The following GATA4 variants were observed in gnomAD, a reference collection of about 807,000 sequenced individuals.
GATA4 encodes transcription factor GATA-4.
Under a neutral mutation model 37.9 loss-of-function variants are expected in GATA4, and 7 were observed. The ratio of observed to expected loss-of-function variants is 0.18; its 90% confidence interval spans 0.11 to 0.35. The LOEUF (loss-of-function observed/expected upper bound fraction) is 0.35, where lower values mean the gene tolerates loss of function less well. GATA4 is among the 10% of genes least tolerant of loss of function. The probability of loss-of-function intolerance (pLI) is 1.00; values close to 1 mark genes in which losing one functional copy is unlikely to be tolerated. For synonymous variants in GATA4, 372 were observed against 292.6 expected (o/e 1.27, Z -2.77); for missense variants, 647 against 653.0 (o/e 0.99, Z 0.10).
At chr8:11,730,996 G>A (rs1801182250) in intron 2 of GATA4, among the ~76,000 whole-genome samples, 2 of 152,222 alleles carry the variant, frequency 1.3e-5, no homozygotes, top group South Asian at 2.1e-4. Context: ...CGAGCTTCTC[G>A]GGCAGTCTTC....
exon 1 of GATA4, chr8:11,692,653 C>T: frequency 1.0e-6 from 1 of 985,164 alleles, no homozygotes; most frequent in Non-Finnish European, 1.2e-6. Context: ...AGCCGACCTC[C>T]ACCGCGGGTG....
chr8:11,706,964 A>T (rs887368272), intron 1 of GATA4, among the ~76,000 whole-genome samples: 15 of 152,132 alleles, frequency 9.9e-5, no homozygotes, highest in South Asian at 4.1e-4. Flanking sequence ...AACAAAACGC[A>T]GGATGCTGGG....
rs751295642 is a variant in GATA4, at chr8:11,708,893, G to T, written c.581G>T (p.Gly194Val). Residue 194 changes from glycine to valine, a missense_variant, in exon 2 of 7, where the codon GGC (glycine) becomes GTC (valine). Gly to Val is a moderately radical substitution (Grantham distance 109, BLOSUM62 -3). Transcript: ENST00000532059. This position sits in a 1 kb window ranked among gnomAD's most constrained non-coding sequence, Gnocchi z 6.7. The part of the protein sequence containing the change: ...FDSPVLHSLP[G>V]RANPAARHPN... Reference sequence around the variant, plus strand: ...AGCCCGGTCCTGCACAGCCTGCCCGGCCGGGCCAACCCGGCCGCCCGACAC... The same window carrying T: ...AGCCCGGTCCTGCACAGCCTGCCCGTCCGGGCCAACCCGGCCGCCCGACAC... 6.5e-7 allele frequency: 1 copy of T among 1,527,760 alleles called. No individual in the cohort carries two copies. The highest frequency in any genetic ancestry group is 8.7e-7 in the Non-Finnish European group (1 of 1,143,714). The allele number at this position is 1,527,760 out of a possible 1,614,324, so 94.6% of individuals were successfully genotyped here. A position where few individuals can be genotyped will look rare whatever the true frequency, so the allele number is the denominator to read the frequency against.
chr8:11,683,235 A>C, intron 1 of GATA4: 1 of 694,234 alleles, frequency 1.4e-6, no homozygotes, highest in Non-Finnish European at 1.8e-6. Context: ...GGGAGGACGG[A>C]GGGACGGGGC....
intron 2 of GATA4, among the ~76,000 whole-genome samples, chr8:11,732,866 A>G (rs565511592): frequency 6.6e-6 from 1 of 152,338 alleles, no homozygotes; most frequent in South Asian, 2.1e-4. Context: ...ACTGCCGAAT[A>G]TAATATAAAT....
intron 2 of GATA4, among the ~76,000 whole-genome samples, chr8:11,732,527 T>G (rs1801260057): frequency 6.6e-6 from 1 of 152,150 alleles, no homozygotes; most frequent in African/African-American, 2.4e-5. Flanking sequence ...AAACGTGAAG[T>G]AACACCAAAA....
chr8:11,683,131 G>T, intron 1 of GATA4: 2 of 985,334 alleles, frequency 2.0e-6, no homozygotes, highest in Non-Finnish European at 2.4e-6. Context: ...GTGGCCACTG[G>T]GGTTTGCTCC....
chr8:11,679,642 A>T (rs979811872), intron 1 of GATA4, among the ~76,000 whole-genome samples: 2 of 152,202 alleles, frequency 1.3e-5, no homozygotes, highest in African/African-American at 4.8e-5. Context: ...AGGGCAGCCA[A>T]GCACCCGCGG....
At chr8:11,687,867 G>A (rs192241491), upstream of GATA4, among the ~76,000 whole-genome samples, 16 of 152,158 alleles carry the variant, frequency 1.1e-4, no homozygotes, top group Admixed American at 2.6e-4. Flanking sequence ...CCCTGCCCCC[G>A]TTTCATTTGG....
intron 2 of GATA4, among the ~76,000 whole-genome samples, chr8:11,714,041 G>A (rs1800322458): frequency 6.6e-6 from 1 of 152,206 alleles, no homozygotes; most frequent in Non-Finnish European, 1.5e-5. Context: ...TAATGCTTGT[G>A]AGTACTTAAG....
chr8:11,703,521 G>C (rs1158941572), upstream of GATA4, among the ~76,000 whole-genome samples: 1 of 152,224 alleles, frequency 6.6e-6, no homozygotes, highest in African/African-American at 2.4e-5. Flanking sequence ...AGAAAAAAGG[G>C]GGAAAGATTA....
chr8:11,728,667 G>C (rs558835943), intron 2 of GATA4, among the ~76,000 whole-genome samples: 2 of 152,218 alleles, frequency 1.3e-5, no homozygotes, highest in East Asian at 3.9e-4. Context: ...TCCTTCCTCA[G>C]CCTCCAAAAA....
intron 2 of GATA4, among the ~76,000 whole-genome samples, chr8:11,747,443 T>C (rs980031317): frequency 2.6e-5 from 4 of 152,200 alleles, no homozygotes; most frequent in African/African-American, 9.6e-5. Flanking sequence ...GCTGGGGAGA[T>C]GCTACGCTTA....
intron 1 of GATA4, among the ~76,000 whole-genome samples, chr8:11,693,971 G>A (rs1180821526): frequency 6.6e-6 from 1 of 152,114 alleles, no homozygotes; most frequent in Non-Finnish European, 1.5e-5. Flanking sequence ...AGAGTACTAG[G>A]TAAAAGAGAG....
chr8:11,728,879 G>A (rs564473271), intron 2 of GATA4, among the ~76,000 whole-genome samples: 2 of 152,232 alleles, frequency 1.3e-5, no homozygotes, highest in South Asian at 4.2e-4. Flanking sequence ...ACATAGGGGG[G>A]CACATTTAGA....
At chr8:11,732,975 A>G (rs1265172562) in intron 2 of GATA4, among the ~76,000 whole-genome samples, 3 of 152,124 alleles carry the variant, frequency 2.0e-5, no homozygotes, top group South Asian at 4.1e-4. Flanking sequence ...ATACCATCAC[A>G]TGTGGGTTAG....
At chr8:11,693,562 C>G (rs11784871) in intron 1 of GATA4, among the ~76,000 whole-genome samples, 9,561 of 71,474 alleles carry the variant, frequency 0.13, 560 homozygotes, top group African/African-American at 0.16. Context: ...CACACACACA[C>G]AGAGAGAGAG....
At chr8:11,723,398 A>C (rs9329247) in intron 2 of GATA4, among the ~76,000 whole-genome samples, 1 of 152,190 alleles carries the variant, frequency 6.6e-6, no homozygotes, top group South Asian at 2.1e-4. Context: ...GTTTCTATCC[A>C]TATATCCTGA....
At chr8:11,732,831 T>G (rs1801274725) in intron 2 of GATA4, among the ~76,000 whole-genome samples, 1 of 152,188 alleles carries the variant, frequency 6.6e-6, no homozygotes, top group African/African-American at 2.4e-5. Context: ...AATTAAGAGA[T>G]AACTCATATC....
Sources: allele counts gnomAD v4.1 joint callset (sites outside exome capture counted in the v4.1 genomes callset), GRCh38; gene constraint gnomAD v4.1.1; non-coding constraint Gnocchi (gnomAD v3.1); transcripts MANE v1.5; gene names NCBI Gene and HGNC (gene_info 2026-07-23, HGNC 2026-07-21).